The following ARHGAP24 variants were observed in gnomAD, a reference collection of about 807,000 sequenced individuals.
ARHGAP24 encodes the protein Rho GTPase activating protein 24.
In ARHGAP24, 50 loss-of-function variants were observed where a neutral mutation model predicts 76.4. The observed-to-expected ratio is 0.65, with a 90% CI of 0.52 to 0.83. The LOEUF (loss-of-function observed/expected upper bound fraction) is 0.83. ARHGAP24 is among the 40% of genes least tolerant of loss of function. ARHGAP24 has a pLI of 0.00. For missense variants in ARHGAP24, 930 were observed against 914.2 expected, an observed-to-expected ratio of 1.02 and a Z score of -0.22; for synonymous variants, 345 against 323.3, an observed-to-expected ratio of 1.07 and a Z score of -0.72.
intron 3 of ARHGAP24, among the ~76,000 whole-genome samples, chr4:85,897,608 T>C (rs982027605): frequency 1.3e-5 from 2 of 152,260 alleles, no homozygotes; most frequent in South Asian, 2.1e-4. Flanking sequence ...TGAAGCCAGC[T>C]GAACGCTGAA....
In ARHGAP24 at chr4:85,580,108, C is replaced by T. The variant is rs190546772; in HGVS notation, c.180+9387C>T. 1.7e-3 allele frequency among the ~76,000 whole-genome samples: 251 copies of T among 152,008 alleles called. 2 individuals carry two copies. Among genetic ancestry groups the T allele is most frequent in the African/African-American group, 5.7e-3 (238 of 41,508 alleles). On this transcript the variant is annotated intron_variant, in intron 2 of 9. Transcript: ENST00000395184. ...TTTAAATCTCATCTGCGTCCCTCCA[C>T]ACCCTGTGTATGTGTTTGTGTGTGT...
At chr4:85,913,370 C>A (rs1409588904) in intron 3 of ARHGAP24, among the ~76,000 whole-genome samples, 2 of 151,434 alleles carry the variant, frequency 1.3e-5, no homozygotes, top group African/African-American at 2.4e-5. Flanking sequence ...CCTCCATTTT[C>A]CCTAATCTTG....
intron 2 of ARHGAP24, among the ~76,000 whole-genome samples, chr4:85,706,019 G>C (rs1437242659): frequency 1.3e-5 from 2 of 152,118 alleles, no homozygotes; most frequent in Non-Finnish European, 2.9e-5. Flanking sequence ...TGGTTGCAGG[G>C]GAGAGGGCAC....
At chr4:85,783,283 G>A (rs1271605128) in intron 3 of ARHGAP24, among the ~76,000 whole-genome samples, 1 of 152,024 alleles carries the variant, frequency 6.6e-6, no homozygotes, top group South Asian at 2.1e-4. Context: ...AAATTTTACT[G>A]TTGTGTATTC....
At chr4:85,722,902 A>C (rs1725009109) in intron 3 of ARHGAP24, among the ~76,000 whole-genome samples, 1 of 152,194 alleles carries the variant, frequency 6.6e-6, no homozygotes, top group African/African-American at 2.4e-5. Flanking sequence ...GGGAATCTAA[A>C]ATGGAAAAGC....
At chr4:85,844,654 T>G (rs1288899005) in intron 3 of ARHGAP24, among the ~76,000 whole-genome samples, 1 of 152,212 alleles carries the variant, frequency 6.6e-6, no homozygotes, top group South Asian at 2.1e-4. Context: ...GATAATGATT[T>G]GGATGTGTCC....
chr4:85,503,484 A>G (rs1301498212), intron 1 of ARHGAP24, among the ~76,000 whole-genome samples: 1 of 151,938 alleles, frequency 6.6e-6, no homozygotes, highest in Non-Finnish European at 1.5e-5. Context: ...TTTCTTCTAG[A>G]TTTTCTAGTT....
At chr4:85,533,711 A>G (rs1725358234) in intron 1 of ARHGAP24, among the ~76,000 whole-genome samples, 1 of 152,178 alleles carries the variant, frequency 6.6e-6, no homozygotes, top group Non-Finnish European at 1.5e-5. Context: ...AAAAATAAAG[A>G]TGCTATCACT....
chr4:85,888,140 C>T (rs759563114), intron 3 of ARHGAP24, among the ~76,000 whole-genome samples: 11 of 152,024 alleles, frequency 7.2e-5, no homozygotes, highest in Non-Finnish European at 1.0e-4. Flanking sequence ...TGGTGGCTTA[C>T]GCCTGTAATC....
intron 3 of ARHGAP24, among the ~76,000 whole-genome samples, chr4:85,812,339 T>C (rs1238485339): frequency 6.6e-6 from 1 of 152,206 alleles, no homozygotes; most frequent in Non-Finnish European, 1.5e-5. Context: ...TTATTACTTA[T>C]AAGGTAGATT....
intron 3 of ARHGAP24, among the ~76,000 whole-genome samples, chr4:85,907,428 GATTA>G (rs1258630602): frequency 6.6e-6 from 1 of 152,140 alleles, no homozygotes; most frequent in Non-Finnish European, 1.5e-5. Flanking sequence ...ATTCATCAGG[GATTA>G]TGCACTTTAT....
intron 1 of ARHGAP24, among the ~76,000 whole-genome samples, chr4:85,501,807 C>T (rs562830933): frequency 6.6e-6 from 1 of 152,138 alleles, no homozygotes; most frequent in South Asian, 2.1e-4. Context: ...ATGCCTATGT[C>T]CTGAATGGTA....
chr4:85,522,142 T>C (rs1396327151), intron 1 of ARHGAP24, among the ~76,000 whole-genome samples: 2 of 152,190 alleles, frequency 1.3e-5, no homozygotes, highest in Admixed American at 6.5e-5. Flanking sequence ...AATAGAAAAA[T>C]GCAAGTCCAT....
intron 3 of ARHGAP24, chr4:85,778,940 C>T (rs1266993853): frequency 1.1e-5 from 11 of 985,278 alleles, no homozygotes; most frequent in South Asian, 4.7e-5. Context: ...AACAGCTGTG[C>T]GTAGACCAGA....
chr4:85,479,649 G>A (rs960211950), intron 1 of ARHGAP24, among the ~76,000 whole-genome samples: 1 of 152,144 alleles, frequency 6.6e-6, no homozygotes, highest in Non-Finnish European at 1.5e-5. Flanking sequence ...CTTCTTTCAT[G>A]TTATAGTTTC....
At chr4:85,867,921 ACACACACAAAC>A in intron 3 of ARHGAP24, among the ~76,000 whole-genome samples, 1 of 143,696 alleles carries the variant, frequency 7.0e-6, no homozygotes, top group South Asian at 2.2e-4. Context: ...ATATATGTAC[ACACACACAAAC>A]CAAAACGTAA....
intron 2 of ARHGAP24, among the ~76,000 whole-genome samples, chr4:85,665,458 C>T (rs1255832785): frequency 6.6e-6 from 1 of 152,154 alleles, no homozygotes; most frequent in African/African-American, 2.4e-5. Context: ...TGGGTCTTGA[C>T]TCCTTATCCA....
At chr4:85,624,429 A>G (rs1212247978) in intron 2 of ARHGAP24, among the ~76,000 whole-genome samples, 1 of 152,198 alleles carries the variant, frequency 6.6e-6, no homozygotes, top group Non-Finnish European at 1.5e-5. Context: ...CATCCCAGGG[A>G]TGAAGCCCAC....
chr4:86,000,544 A>C lies in ARHGAP24; in HGVS notation c.2069A>C (p.Glu690Ala). ...MMSLHDELDQ[E>A]RKKFTMIEIK... is the part of the protein sequence containing the mutation. ...AGCCTCCATGATGAACTGGATCAGG[A>C]GAGGAAAAAGTTCACAATGATAGAA... The change falls in exon 10 of 10, where the codon GAG becomes GCG. Residue 690 changes from glutamate (E) to alanine (A), a missense_variant. Physicochemically the swap from Glu to Ala is moderately radical, Grantham distance 107 (BLOSUM62 -1). Transcript: ENST00000395184. 1 of 1,604,380 alleles carries C rather than the reference A, an allele frequency of 6.2e-7. No individual in the cohort carries two copies. The highest frequency in any genetic ancestry group is 1.4e-5 in the African/African-American group (1 of 73,558).
Sources: allele counts gnomAD v4.1 joint callset (sites outside exome capture counted in the v4.1 genomes callset), GRCh38; gene constraint gnomAD v4.1.1; transcripts MANE v1.5; gene names NCBI Gene and HGNC (gene_info 2026-07-23, HGNC 2026-07-21).